The following WDFY4 variants were observed in gnomAD, a reference collection of about 807,000 sequenced individuals.
The protein encoded by WDFY4 is WD repeat- and FYVE domain-containing protein 4.
Under a neutral mutation model 351.9 loss-of-function variants are expected in WDFY4, and 169 were observed. The observed-to-expected ratio is 0.48, with a 90% CI of 0.42 to 0.55. The LOEUF (loss-of-function observed/expected upper bound fraction) is 0.55, where lower values mean the gene tolerates loss of function less well. Ranked by LOEUF, WDFY4 falls within the 20% of genes least tolerant of loss-of-function variation. The probability of loss-of-function intolerance (pLI) is 0.00; values close to 1 mark genes in which losing one functional copy is unlikely to be tolerated. For missense variants in WDFY4, 3,803 were observed against 3,935.6 expected, an observed-to-expected ratio of 0.97 and a Z score of 0.90; for synonymous variants, 1,622 against 1,574.6, an observed-to-expected ratio of 1.03 and a Z score of -0.71.
At chr10:48,854,658 C>T (rs1186112492) in intron 39 of WDFY4, among the ~76,000 whole-genome samples, 1 of 152,166 alleles carries the variant, frequency 6.6e-6, no homozygotes, top group Non-Finnish European at 1.5e-5. Context: ...ACTAAGGTGT[C>T]TGGATTTCTG....
chr10:48,922,937 G>A (rs1325950407), intron 47 of WDFY4, among the ~76,000 whole-genome samples: 1 of 152,212 alleles, frequency 6.6e-6, no homozygotes, highest in East Asian at 1.9e-4. Flanking sequence ...CTGGGTTGGT[G>A]TCACTGCCTG....
chr10:48,811,202 C>G (rs1182095376), intron 29 of WDFY4, among the ~76,000 whole-genome samples: 4 of 152,212 alleles, frequency 2.6e-5, no homozygotes. Context: ...TGCTTAATGT[C>G]TGTCCCTCCC....
In WDFY4 at chr10:48,966,589, T is replaced by C. The variant is rs1842093090; in HGVS notation, c.8500T>C (p.Ser2834Pro). The part of the protein sequence containing the change: ...AGKPLPGKDV[S>P]TPVSLPGHPQ... ...GAAGCCTCTGCCTGGAAAGGATGTCTCCACCCCCGTGAGCCTGCCTGGCCA... is the reference window on the plus strand; with the variant it reads ...GAAGCCTCTGCCTGGAAAGGATGTCCCCACCCCCGTGAGCCTGCCTGGCCA... The change falls in exon 55 of 62, where the codon TCC becomes CCC. Residue 2834 changes from serine to proline, a missense_variant. By Grantham distance (74) the Ser-to-Pro change is moderately conservative. This residue lies in a region of WDFY4 where 3,054 missense variants were observed against 3,148.6 expected (regional missense o/e 0.97). Coordinates refer to ENST00000325239, the MANE Select transcript of WDFY4 (RefSeq NM_001394531.1). The C allele has an allele frequency of 6.4e-7, 1 of 1,551,912 alleles. No homozygotes were observed. The highest frequency in any genetic ancestry group is 1.2e-5 in the South Asian group (1 of 84,060).
intron 12 of WDFY4, among the ~76,000 whole-genome samples, chr10:48,754,635 A>G (rs1013995652): frequency 6.6e-6 from 1 of 151,546 alleles, no homozygotes. Flanking sequence ...TTACTTATTT[A>G]TTGTGTTTAT....
In WDFY4 at chr10:48,873,639, T is replaced by A; in HGVS notation, c.6890T>A (p.Met2297Lys). The A allele has an allele frequency of 6.4e-7, 1 of 1,551,830 alleles. No homozygotes were observed. The highest frequency in any genetic ancestry group is 8.7e-7 in the Non-Finnish European group (1 of 1,147,014). The stretch of plus-strand genomic sequence containing the variant: ...GACTGGAGAGAAGGACCAGCTCGAA[T>A]GAGGAAACGCATCAAACGCTTGTCT... ...ELDWREGPAR[M>K]RKRIKRLSPL... The change falls in exon 41 of 62, where the codon ATG becomes AAG. Residue 2297 changes from methionine (M) to lysine (K), a missense_variant. Physicochemically the swap from Met to Lys is moderately conservative, Grantham distance 95. This residue lies in a region of WDFY4 where 3,054 missense variants were observed against 3,148.6 expected (regional missense o/e 0.97). Coordinates refer to ENST00000325239, the MANE Select transcript of WDFY4 (RefSeq NM_001394531.1).
intron 39 of WDFY4, among the ~76,000 whole-genome samples, chr10:48,859,685 A>G (rs2133216712): frequency 6.6e-6 from 1 of 152,322 alleles, no homozygotes; most frequent in South Asian, 2.1e-4. Context: ...CTGTTTGTCT[A>G]GTTTTGTTAT....
At chr10:48,911,530 A>G (rs1838003651) in intron 47 of WDFY4, among the ~76,000 whole-genome samples, 1 of 152,226 alleles carries the variant, frequency 6.6e-6, no homozygotes, top group South Asian at 2.1e-4. Context: ...TAAAGGTACA[A>G]CAGTAACTTA....
chr10:48,915,964 A>C (rs936639368), intron 47 of WDFY4, among the ~76,000 whole-genome samples: 1 of 152,252 alleles, frequency 6.6e-6, no homozygotes, highest in Admixed American at 6.5e-5. Context: ...CTGAGAAACC[A>C]GATAGGATAA....
At chr10:48,856,522 T>C (rs73312044) in intron 39 of WDFY4, among the ~76,000 whole-genome samples, 8,781 of 152,210 alleles carry the variant, frequency 0.058, 869 homozygotes, top group African/African-American at 0.2. Flanking sequence ...CTGGTGTACA[T>C]GTGCAGTAAG....
At position 48,796,291 on chromosome 10, in the gene WDFY4, T is replaced by G; in HGVS notation, c.4258-7T>G. The G allele has an allele frequency of 6.4e-7, 1 of 1,550,802 alleles. No individual in the cohort carries two copies. Among genetic ancestry groups the G allele is most frequent in the Non-Finnish European group, 8.7e-7 (1 of 1,146,390 alleles). Reference sequence around the variant, plus strand: ...ATGAGGAAACTGCTTTGTGTTAACCTTTTCAGATAATGGCGTTTCTCCTGA... The same window carrying G: ...ATGAGGAAACTGCTTTGTGTTAACCGTTTCAGATAATGGCGTTTCTCCTGA... On this transcript the variant is annotated splice_polypyrimidine_tract_variant and splice_region_variant and intron_variant, in intron 23 of 61. Coordinates refer to ENST00000325239, the MANE Select transcript of WDFY4 (RefSeq NM_001394531.1).
intron 21 of WDFY4, among the ~76,000 whole-genome samples, 191 bp from the exon 22 acceptor site, chr10:48,789,683 G>A (rs1321924332): frequency 3.9e-5 from 6 of 152,238 alleles, no homozygotes; most frequent in Admixed American, 2.6e-4. Context: ...CAGCTTGGGA[G>A]ACAGAATGCA....
At chr10:48,949,109 C>T (rs1841195209) in intron 51 of WDFY4, among the ~76,000 whole-genome samples, 1 of 152,212 alleles carries the variant, frequency 6.6e-6, no homozygotes, top group Non-Finnish European at 1.5e-5. Context: ...GTCATCTTAC[C>T]TTGAGCCCTT....
chr10:48,721,402 C>G (rs2064084049), intron 4 of WDFY4, 35 bp downstream of exon 4: 1 of 1,541,860 alleles, frequency 6.5e-7, no homozygotes. Flanking sequence ...GCCCTGGGCA[C>G]TGCTCATCTA....
chr10:48,779,645 C>T (rs1258799924), intron 18 of WDFY4, among the ~76,000 whole-genome samples: 1 of 152,204 alleles, frequency 6.6e-6, no homozygotes, highest in East Asian at 1.9e-4. Flanking sequence ...TTGGGCAAGT[C>T]ACCCAACCTC....
chr10:48,964,069 G>A lies in WDFY4; in HGVS notation c.8436+15G>A, dbSNP rs990554448. On this transcript the variant is annotated intron_variant, in intron 54 of 61. Coordinates refer to ENST00000325239, the MANE Select transcript of WDFY4 (RefSeq NM_001394531.1). ...TGCCCAAACAGGTACAGCATGCCTT[G>A]TCATTTGCCTTGCTTTCTCAAAAGA... 9.7e-6 allele frequency: 15 copies of A among 1,549,136 alleles called. No homozygotes were observed. Among genetic ancestry groups the A allele is most frequent in the Non-Finnish European group, 1.3e-5 (15 of 1,146,556 alleles).
chr10:48,710,331 T>A (rs1319706769), intron 2 of WDFY4, among the ~76,000 whole-genome samples: 2 of 152,196 alleles, frequency 1.3e-5, no homozygotes, highest in East Asian at 1.9e-4. Flanking sequence ...ATCCCATTCA[T>A]AATGGTAGAG....
At chr10:48,923,939 G>T (rs4838432) in intron 47 of WDFY4, among the ~76,000 whole-genome samples, 96,418 of 152,078 alleles carry the variant, frequency 0.63, 31,254 homozygotes, top group East Asian at 1. Flanking sequence ...CAGCTGTGCC[G>T]GTTGCCCACA....
intron 39 of WDFY4, among the ~76,000 whole-genome samples, chr10:48,838,515 GA>G (rs774280147): frequency 3.1e-4 from 47 of 152,084 alleles, no homozygotes; most frequent in Non-Finnish European, 6.8e-4. Context: ...CTCGGTGAGG[GA>G]AATGATGTTT....
chr10:48,781,027 T>C (rs2066203289), intron 19 of WDFY4, among the ~76,000 whole-genome samples: 1 of 152,202 alleles, frequency 6.6e-6, no homozygotes, highest in Admixed American at 6.5e-5. Flanking sequence ...TCCCCTGACC[T>C]TGCCCAGTTG....
Sources: allele counts gnomAD v4.1 joint callset (sites outside exome capture counted in the v4.1 genomes callset), GRCh38; gene constraint gnomAD v4.1.1; regional missense constraint gnomAD v4.1.1; transcripts MANE v1.5; gene names NCBI Gene and HGNC (gene_info 2026-07-23, HGNC 2026-07-21).